The following IGF2 variants were observed in gnomAD, a reference collection of about 807,000 sequenced individuals.
IGF2 encodes insulin like growth factor 2.
IGF2 carries 2 observed loss-of-function variants against 12.0 expected under a neutral mutation model. The observed-to-expected ratio is 0.17, with a 90% CI of 0.07 to 0.52. The LOEUF (loss-of-function observed/expected upper bound fraction) is 0.52, where lower values mean the gene tolerates loss of function less well. Ranked by LOEUF, IGF2 falls within the 20% of genes least tolerant of loss-of-function variation. The pLI is 0.95. For missense variants in IGF2, 211 were observed against 268.0 expected (o/e 0.79, Z 1.48); for synonymous variants, 105 against 110.1 (o/e 0.95, Z 0.29).
At chr11:2,149,550 G>A in the IGF2 span, 19 of 605,336 alleles carry the variant, frequency 3.1e-5, no homozygotes, top group South Asian at 5.9e-5. Context: ...TGCTGAGGCC[G>A]CTGGGGCAGC....
At chr11:2,136,987 A>G (rs1333323046) in intron 1 of IGF2, among the ~76,000 whole-genome samples, 1 of 152,088 alleles carries the variant, frequency 6.6e-6, no homozygotes, top group African/African-American at 2.4e-5. Flanking sequence ...GGGAAGGAAC[A>G]GAAAGGGAAG....
chr11:2,135,644 C>T (rs1420046404), intron 1 of IGF2, 115 bp from the exon 2 acceptor site: 7 of 839,998 alleles, frequency 8.3e-6, no homozygotes, highest in Admixed American at 5.5e-5. Context: ...ATTGAAAGCA[C>T]GGCTTTCCTA....
chr11:2,132,039 C>CTCGTGTGTGTGCTGTGT lies in IGF2; in HGVS notation c.*947_*948insACACAGCACACACACGA, dbSNP rs1380895831. ...TCATCTGTGTGCTGTGTGTGCTGTG[C>CTCGTGTGTGTGCTGTGT]GTTTGTGTGTGTGCTGTGCTCGTGT... is the stretch of plus-strand genomic sequence containing the variant. On this transcript the variant is annotated 3_prime_UTR_variant, in exon 4 of 4. Transcript: ENST00000416167. 1,477 of 21,760 alleles carry CTCGTGTGTGTGCTGTGT rather than the reference C, an allele frequency of 0.068. 33 individuals are homozygous for CTCGTGTGTGTGCTGTGT. The highest frequency in any genetic ancestry group is 0.34 in the African/African-American group (1,374 of 4,056). The allele number at this position is 21,760 out of a possible 1,614,324, so 1.3% of individuals were successfully genotyped here.
chr11:2,143,993 G>C (rs1160688324), upstream of IGF2, among the ~76,000 whole-genome samples: 2 of 152,206 alleles, frequency 1.3e-5, no homozygotes, highest in Non-Finnish European at 2.9e-5. Flanking sequence ...ACCCGAGCGC[G>C]GGCGGCGCGG....
Position 2,138,528 on chromosome 11 carries a change from C to T in IGF2, c.-306G>A, listed in dbSNP as rs1859271437. On this transcript the variant is annotated 5_prime_UTR_variant, in exon 1 of 4. Coordinates refer to ENST00000416167, the MANE Select transcript of IGF2 (RefSeq NM_000612.6). ...CTGTTGTATCAAGGATAGAGGGGGG[C>T]AGAGATAGTGGGAGAGACAGAGTGA... 2.8e-6 allele frequency: 2 copies of T among 707,484 alleles called. No homozygotes were observed. Among genetic ancestry groups the T allele is most frequent in the Non-Finnish European group, 3.3e-6 (2 of 609,296 alleles). 43.8% of individuals were successfully genotyped at this position (707,484 alleles called of 1,614,324 possible).
At chr11:2,137,659 C>G (rs531690095) in intron 1 of IGF2, among the ~76,000 whole-genome samples, 5 of 152,320 alleles carry the variant, frequency 3.3e-5, no homozygotes, top group Admixed American at 6.5e-5. Flanking sequence ...CCCTCTCCCC[C>G]TCTCCCGGGA....
At position 2,130,577 on chromosome 11, in the gene IGF2, T is replaced by TA. The variant is rs1198259122; in HGVS notation, c.*2409dup. 0.091 allele frequency: 8,063 copies of TA among 88,456 alleles called. 224 individuals are homozygous for TA. Among genetic ancestry groups the TA allele is most frequent in the African/African-American group, 0.15 (2,258 of 15,504 alleles). The allele number at this position is 88,456 out of a possible 1,614,324, so 5.5% of individuals were successfully genotyped here. A position where few individuals can be genotyped will look rare whatever the true frequency, so the allele number is the denominator to read the frequency against. Reference sequence around the variant, plus strand: ...CTGAGCGCATAAAGCTAAGGAGGGGTAAAAAAAAAACAAAAAAAAAAAAAA... The same window carrying TA: ...CTGAGCGCATAAAGCTAAGGAGGGGTAAAAAAAAAAACAAAAAAAAAAAAAA... On this transcript the variant is annotated 3_prime_UTR_variant, in exon 4 of 4. Coordinates refer to ENST00000416167, the MANE Select transcript of IGF2 (RefSeq NM_000612.6).
At chr11:2,135,899 A>G (rs3213220) in intron 1 of IGF2, among the ~76,000 whole-genome samples, 6,636 of 152,208 alleles carry the variant, frequency 0.044, 482 homozygotes, top group African/African-American at 0.15. Context: ...GTCCTATGAC[A>G]CCATGGGGGC....
chr11:2,136,098 A>G (rs1375356990), intron 1 of IGF2, among the ~76,000 whole-genome samples: 2 of 152,188 alleles, frequency 1.3e-5, no homozygotes, highest in Admixed American at 6.5e-5. Flanking sequence ...CTGCTGGGCC[A>G]GCCCCGCCCC....
chr11:2,146,927 C>T, the IGF2 span: 4 of 157,576 alleles, frequency 2.5e-5, no homozygotes, highest in South Asian at 3.8e-4. Context: ...CCTTTCACCC[C>T]TCTTGCACAC....
upstream of IGF2, among the ~76,000 whole-genome samples, chr11:2,139,840 G>A (rs1466620059): frequency 6.7e-6 from 1 of 149,594 alleles, no homozygotes; most frequent in South Asian, 2.1e-4. Flanking sequence ...AGGTGGCTTG[G>A]GGCTGAGTCG....
chr11:2,146,348 C>G, the IGF2 span: 1 of 535,794 alleles, frequency 1.9e-6, no homozygotes, highest in East Asian at 5.4e-5. Flanking sequence ...CTCCGTCACC[C>G]CCTGCAGGGC....
the IGF2 span, chr11:2,147,699 C>G: frequency 8.0e-7 from 1 of 1,250,696 alleles, no homozygotes; most frequent in Non-Finnish European, 1.0e-6. This position sits in a 1 kb window ranked among gnomAD's most constrained non-coding sequence, Gnocchi z 7.2. Flanking sequence ...GGGGCTCAGG[C>G]TGTGGGGCAG....
chr11:2,135,571 C>A, intron 1 of IGF2, 42 bp from the exon 2 acceptor site: 1 of 1,584,748 alleles, frequency 6.3e-7, no homozygotes, highest in Non-Finnish European at 8.6e-7. Context: ...GCAGCCAGGC[C>A]AAGCCCCAGG....
upstream of IGF2, among the ~76,000 whole-genome samples, chr11:2,145,579 G>T (rs561615560): frequency 1.3e-5 from 2 of 152,336 alleles, no homozygotes; most frequent in South Asian, 4.1e-4. Context: ...CCCTGCCGAG[G>T]TGCCTTCCCC....
Position 2,133,349 on chromosome 11 carries a change from G to C in IGF2, c.307-126C>G. On this transcript the variant is annotated intron_variant, in intron 3 of 3. Transcript: ENST00000416167. This position sits in a 1 kb window ranked among gnomAD's most constrained non-coding sequence, Gnocchi z 8.9. Reference sequence around the variant, plus strand: ...ACTTGAGCTAATGTCCACGGGCAGAGGGACAGAAGGAGCCAGCGTCTGAGC... The same window carrying C: ...ACTTGAGCTAATGTCCACGGGCAGACGGACAGAAGGAGCCAGCGTCTGAGC... The C allele has an allele frequency of 3.0e-6, 3 of 998,716 alleles. No homozygotes were observed. The highest frequency in any genetic ancestry group is 4.4e-6 in the Non-Finnish European group (3 of 688,228). The allele number at this position is 998,716 out of a possible 1,614,324, so 61.9% of individuals were successfully genotyped here.
Position 2,138,782 on chromosome 11 carries a change from G to A in IGF2, c.-560C>T, listed in dbSNP as rs1318526362. On this transcript the variant is annotated 5_prime_UTR_variant, in exon 1 of 4. Coordinates refer to ENST00000416167, the MANE Select transcript of IGF2 (RefSeq NM_000612.6). ...GAAGGTTGCGGGAGAAAGAGCGGGG[G>A]CCGGGGCCAGACGCCAAGAGGGGCG... The A allele has an allele frequency of 2.1e-6, 2 of 948,674 alleles. No individual in the cohort carries two copies. The highest frequency in any genetic ancestry group is 1.2e-4 in the East Asian group (1 of 8,434). The allele number at this position is 948,674 out of a possible 1,614,324, so 58.8% of individuals were successfully genotyped here.
rs371682005 is a variant in IGF2, at chr11:2,133,118, G to A, written c.412C>T (p.Arg138Trp). 14 of 1,606,930 alleles carry A rather than the reference G, an allele frequency of 8.7e-6. No individual in the cohort carries two copies. The Middle Eastern group carries it at 5.0e-4, about 57-fold the overall frequency. The change falls in exon 4 of 4, where the codon CGG becomes TGG. Residue 138 changes from arginine (R) to tryptophan (W), a missense_variant. Arg to Trp is a moderately radical substitution (Grantham distance 101). This residue lies in a region of IGF2 where 141 missense variants were observed against 153.1 expected (regional missense o/e 0.92). Transcript: ENST00000416167. This position sits in a 1 kb window ranked among gnomAD's most constrained non-coding sequence, Gnocchi z 8.9. ...RGLPALLRAR[R>W]GHVLAKELEA... ...AGCTCCTTGGCGAGCACGTGACCCC[G>A]GCGGGCACGCAGGAGGGCAGGCAGG...
the IGF2 span, chr11:2,148,117 G>A: frequency 3.3e-6 from 1 of 298,662 alleles, no homozygotes; most frequent in East Asian, 5.4e-5. The surrounding 1 kb of genome is among the most constrained non-coding windows in gnomAD (Gnocchi z 4.3). Flanking sequence ...GCTTCTGCCT[G>A]GCACTGGGGG....
Sources: gnomAD v4.1 joint callset for allele counts (sites outside exome capture counted in the v4.1 genomes callset) on GRCh38, gnomAD v4.1.1 for gene constraint, gnomAD v4.1.1 regional missense constraint, Gnocchi (gnomAD v3.1) non-coding constraint, MANE v1.5 for transcripts, NCBI Gene and HGNC (gene_info 2026-07-23, HGNC 2026-07-21) for gene names.